Variants in GRM8 observed in about 807,000 individuals in gnomAD.
GRM8 encodes metabotropic glutamate receptor 8.
GRM8 carries 47 observed loss-of-function variants against 87.2 expected under a neutral mutation model. The ratio of observed to expected loss-of-function variants is 0.54; its 90% CI spans 0.43 to 0.69. The LOEUF is 0.69. Among genes scored for constraint, GRM8 ranks in the 30% least tolerant of loss-of-function variants. The pLI is 0.00. For synonymous variants in GRM8, 396 were observed against 404.5 expected (o/e 0.98, Z 0.25); for missense variants, 1,019 against 1,139.2 (o/e 0.89, Z 1.52).
rs1339787107 is a variant in GRM8 at position 126,769,971 on chromosome 7, G to C, written c.1251C>G (p.His417Gln). The change falls in exon 7 of 11, where the codon CAC becomes CAG. Residue 417 changes from histidine (H) to glutamine (Q), a missense_variant. By Grantham distance (24) the His-to-Gln change is conservative. Coordinates refer to ENST00000339582, the MANE Select transcript of GRM8 (RefSeq NM_000845.3). ...CAGGGCAGAGATCTTTGTGCATATT[G>C]TGCAGGGCGTAAGCCATGGAATATA... ...DAVYSMAYALHNMHKDLCPGY... is the reference protein window; with the variant it reads ...DAVYSMAYALQNMHKDLCPGY... 1.2e-6 allele frequency: 2 copies of C among 1,611,412 alleles called. No individual in the cohort carries two copies. The highest frequency in any genetic ancestry group is 2.7e-5 in the African/African-American group (2 of 74,860).
intron 6 of GRM8, among the ~76,000 whole-genome samples, chr7:126,859,006 C>A (rs937568384): frequency 6.6e-6 from 1 of 152,004 alleles, no homozygotes; most frequent in Admixed American, 6.6e-5. Context: ...CACACACCAC[C>A]TTCCCAGACC....
chr7:127,147,767 C>G (rs532701522), intron 2 of GRM8, among the ~76,000 whole-genome samples: 1 of 73,926 alleles, frequency 1.4e-5, no homozygotes, highest in South Asian at 3.7e-4. Context: ...TATGTCAAGA[C>G]TTTACCATGT....
intron 6 of GRM8, among the ~76,000 whole-genome samples, chr7:126,881,815 A>AAAT (rs1235386559): frequency 6.6e-6 from 1 of 152,242 alleles, no homozygotes; most frequent in African/African-American, 2.4e-5. Context: ...ACTGTGTATA[A>AAAT]AATATCTTGT....
intron 9 of GRM8, among the ~76,000 whole-genome samples, chr7:126,526,406 A>T (rs1813854921): frequency 6.6e-6 from 1 of 152,004 alleles, no homozygotes; most frequent in Non-Finnish European, 1.5e-5. Flanking sequence ...AACCATTTCG[A>T]TGTGTTAGCT....
chr7:126,518,126 C>A, intron 9 of GRM8, among the ~76,000 whole-genome samples: 1 of 151,928 alleles, frequency 6.6e-6, no homozygotes, highest in East Asian at 1.9e-4. Flanking sequence ...TGAGGCAGAG[C>A]AATTTATGAT....
At chr7:126,453,969 T>C (rs1026658603) in intron 9 of GRM8, among the ~76,000 whole-genome samples, 1 of 151,758 alleles carries the variant, frequency 6.6e-6, no homozygotes, top group African/African-American at 2.4e-5. Context: ...TCTGCTTCCA[T>C]GGTAACTTTT....
At chr7:126,620,821 CA>C (rs1371611522) in intron 7 of GRM8, among the ~76,000 whole-genome samples, 1 of 152,164 alleles carries the variant, frequency 6.6e-6, no homozygotes, top group African/African-American at 2.4e-5. Flanking sequence ...TTACACCATG[CA>C]AAACACAATG....
chr7:126,503,949 C>T (rs761528620), intron 9 of GRM8, among the ~76,000 whole-genome samples: 1 of 152,016 alleles, frequency 6.6e-6, no homozygotes, highest in Non-Finnish European at 1.5e-5. Flanking sequence ...TGGAAGGTCT[C>T]CTAATTCACC....
rs777966637 is a variant in GRM8 at position 126,904,684 on chromosome 7, C to T, written c.728-1G>A. The T allele has an allele frequency of 6.2e-7, 1 of 1,612,164 alleles. No homozygotes were observed. The highest frequency in any genetic ancestry group is 1.3e-5 in the African/African-American group (1 of 74,776). The stretch of plus-strand genomic sequence containing the variant: ...TGTGACTGAGCAATGCAAACACCAC[C>T]TATTTAAAAAAGAAGGGAGGTGGTG... On this transcript the variant is annotated splice_acceptor_variant, in intron 3 of 10. Coordinates refer to ENST00000339582, the MANE Select transcript of GRM8 (RefSeq NM_000845.3). LOFTEE classifies it high-confidence loss of function.
intron 3 of GRM8, among the ~76,000 whole-genome samples, chr7:126,972,116 T>C (rs1267490108): frequency 6.6e-6 from 1 of 152,126 alleles, no homozygotes; most frequent in Admixed American, 6.6e-5. Context: ...TGCTATGCTT[T>C]CCCCTTTTCC....
intron 9 of GRM8, among the ~76,000 whole-genome samples, chr7:126,507,481 A>G (rs540749059): frequency 6.6e-6 from 1 of 152,240 alleles, no homozygotes; most frequent in Admixed American, 6.5e-5. Context: ...TTTCTCATCT[A>G]CAATCAATTA....
At chr7:126,720,284 G>A (rs1020335586) in intron 7 of GRM8, among the ~76,000 whole-genome samples, 1 of 151,910 alleles carries the variant, frequency 6.6e-6, no homozygotes, top group East Asian at 1.9e-4. Context: ...TGGGACTACA[G>A]GCATGTGCCA....
intron 3 of GRM8, among the ~76,000 whole-genome samples, chr7:127,085,751 G>A (rs1453486718): frequency 6.6e-6 from 1 of 152,142 alleles, no homozygotes; most frequent in Non-Finnish European, 1.5e-5. Flanking sequence ...CCTATTCGCA[G>A]GTTGCCTGTT....
At chr7:126,811,255 G>A (rs759227349) in intron 6 of GRM8, among the ~76,000 whole-genome samples, 8 of 152,044 alleles carry the variant, frequency 5.3e-5, no homozygotes, top group South Asian at 4.2e-4. Context: ...GTACCATGCC[G>A]TTTTGGTTAC....
chr7:126,851,409 T>A (rs1384014539), intron 6 of GRM8, among the ~76,000 whole-genome samples: 1 of 152,050 alleles, frequency 6.6e-6, no homozygotes, highest in Non-Finnish European at 1.5e-5. Context: ...AGAAAATAAG[T>A]CAGATCATGC....
Position 126,685,053 on chromosome 7 carries a change from C to T in GRM8, c.1358-75555G>A, listed in dbSNP as rs1027397143. Reference sequence around the variant, plus strand: ...GTGGCCATGGGACCCCTGTGCCCTGCGTCCCCAAGGAAGCTGACTGCACTG... The same window carrying T: ...GTGGCCATGGGACCCCTGTGCCCTGTGTCCCCAAGGAAGCTGACTGCACTG... On this transcript the variant is annotated intron_variant, in intron 7 of 10. Transcript: ENST00000339582. This position sits in a 1 kb window ranked among gnomAD's most constrained non-coding sequence, Gnocchi z 4.2. 2.0e-5 allele frequency among the ~76,000 whole-genome samples: 3 copies of T among 152,136 alleles called. No homozygotes were observed. The highest frequency in any genetic ancestry group is 6.5e-5 in the Admixed American group (1 of 15,274).
intron 7 of GRM8, among the ~76,000 whole-genome samples, chr7:126,733,143 C>T (rs966511909): frequency 6.6e-6 from 1 of 152,014 alleles, no homozygotes; most frequent in African/African-American, 2.4e-5. Flanking sequence ...TGTTAGTCAT[C>T]ACTTTTTTTT....
intron 6 of GRM8, among the ~76,000 whole-genome samples, chr7:126,822,382 C>A (rs1480474320): frequency 6.6e-6 from 1 of 152,204 alleles, no homozygotes; most frequent in East Asian, 1.9e-4. Flanking sequence ...TGCCACAACA[C>A]ATTTGCATGA....
intron 6 of GRM8, among the ~76,000 whole-genome samples, chr7:126,863,342 G>C (rs923626074): frequency 2.6e-5 from 4 of 152,006 alleles, no homozygotes; most frequent in East Asian, 1.9e-4. Context: ...CAGTCATCTA[G>C]AGTAATAATA....
Sources: gnomAD v4.1 joint callset for allele counts (sites outside exome capture counted in the v4.1 genomes callset) on GRCh38, gnomAD v4.1.1 for gene constraint, Gnocchi (gnomAD v3.1) non-coding constraint, MANE v1.5 for transcripts, NCBI Gene and HGNC (gene_info 2026-07-23, HGNC 2026-07-21) for gene names.